Variants in MYO16 observed in about 807,000 individuals in gnomAD.
MYO16 encodes the protein myosin XVI.
A neutral mutation model predicts 205.3 loss-of-function variants in MYO16; 94 were observed. The ratio of observed to expected loss-of-function variants is 0.46; its 90% CI spans 0.39 to 0.54. The LOEUF is 0.54. Ranked by LOEUF, MYO16 falls within the 20% of genes least tolerant of loss-of-function variation. The pLI is 0.00. For synonymous variants in MYO16, 988 were observed against 954.0 expected (o/e 1.04, Z -0.66); for missense variants, 2,315 against 2,387.5 (o/e 0.97, Z 0.63).
At chr13:108,579,318 G>A in the MYO16 span, among the ~76,000 whole-genome samples, 1 of 152,156 alleles carries the variant, frequency 6.6e-6, no homozygotes, top group Non-Finnish European at 1.5e-5. Context: ...TAGAAATTTA[G>A]TATCTAGAAG....
intron 9 of MYO16, among the ~76,000 whole-genome samples, chr13:108,841,301 G>A (rs114717126): frequency 0.013 from 2,050 of 152,204 alleles, 37 homozygotes; most frequent in African/African-American, 0.045. Context: ...AATATGTCCC[G>A]CTAAATGAAA....
At chr13:108,908,984 A>G (rs1339494882) in intron 15 of MYO16, among the ~76,000 whole-genome samples, 2 of 146,848 alleles carry the variant, frequency 1.4e-5, no homozygotes, top group Non-Finnish European at 3.0e-5. Context: ...AAAAAAATAA[A>G]ATAAAATAAA....
chr13:108,778,961 G>A (rs1886214007), intron 4 of MYO16, among the ~76,000 whole-genome samples: 1 of 152,148 alleles, frequency 6.6e-6, no homozygotes, highest in African/African-American at 2.4e-5. Flanking sequence ...TGCACTCGTG[G>A]GGGGATGCCA....
intron 1 of MYO16, among the ~76,000 whole-genome samples, chr13:108,624,227 G>A (rs1427435516): frequency 2.6e-5 from 4 of 152,174 alleles, no homozygotes; most frequent in African/African-American, 9.6e-5. Context: ...AATGACAAAT[G>A]TATAGAGATC....
chr13:108,737,881 AGGAATTT>A (rs1347076452), intron 4 of MYO16, among the ~76,000 whole-genome samples: 1 of 152,228 alleles, frequency 6.6e-6, no homozygotes, highest in Non-Finnish European at 1.5e-5. Flanking sequence ...GTATGTGTCC[AGGAATTT>A]ATCCATTTCT....
Position 108,888,408 on chromosome 13 carries a change from A to G in MYO16, c.1590A>G (p.Lys530=), listed in dbSNP as rs45507695. ...ERGSGKSEAS[K]QIIRHLTCRA... ...GATCAGGAAAGTCTGAAGCCAGCAA[A>G]CAAATCATAAGACACCTCACCTGCA... is the stretch of plus-strand genomic sequence containing the variant. The change falls in exon 14 of 35, where the codon AAA becomes AAG. Residue 530 remains lysine (K), a synonymous_variant. Transcript: ENST00000457511. The G allele has an allele frequency of 1.4e-3, 2,199 of 1,607,452 alleles. 7 individuals carry two copies. The highest frequency in any genetic ancestry group is 2.7e-3 in the South Asian group (238 of 89,678).
chr13:108,527,666 A>C, the MYO16 span, among the ~76,000 whole-genome samples: 1 of 152,190 alleles, frequency 6.6e-6, no homozygotes, highest in Non-Finnish European at 1.5e-5. Flanking sequence ...TGCCTTTCTA[A>C]AATCTCTGTG....
chr13:108,588,209 T>G, the MYO16 span, among the ~76,000 whole-genome samples: 2 of 152,204 alleles, frequency 1.3e-5, no homozygotes, highest in Admixed American at 6.5e-5. Flanking sequence ...AAATGCAATC[T>G]ACTGGTATTC....
chr13:108,902,799 T>G (rs1435934617), intron 15 of MYO16, among the ~76,000 whole-genome samples: 2 of 152,238 alleles, frequency 1.3e-5, no homozygotes, highest in Non-Finnish European at 2.9e-5. Flanking sequence ...TATTGTAACT[T>G]GAGTACAGTA....
At chr13:108,629,960 TGG>T (rs1385224302) in intron 1 of MYO16, 88 bp downstream of exon 1, 1 of 1,127,716 alleles carries the variant, frequency 8.9e-7, no homozygotes, top group African/African-American at 1.5e-5. Flanking sequence ...GCAGTTCTCC[TGG>T]TATACCACAT....
chr13:108,630,425 A>G (rs1014377215), intron 1 of MYO16, among the ~76,000 whole-genome samples: 3 of 152,136 alleles, frequency 2.0e-5, no homozygotes, highest in African/African-American at 4.8e-5. Flanking sequence ...CTCTCCACTG[A>G]TGTTCATATG....
intron 23 of MYO16, among the ~76,000 whole-genome samples, chr13:109,027,840 A>G (rs985403336): frequency 6.6e-6 from 1 of 152,164 alleles, no homozygotes; most frequent in African/African-American, 2.4e-5. Context: ...TAACATTTTG[A>G]ACTCATCAGT....
rs192257080 is a variant in MYO16, at chr13:108,810,510, C to T, written c.867+3706C>T. On this transcript the variant is annotated intron_variant, in intron 7 of 34. Coordinates refer to ENST00000457511, the MANE Select transcript of MYO16 (RefSeq NM_001198950.3). Reference sequence around the variant, plus strand: ...ATAGAAGATTTTCAGTAAATTGCATCTCAATTATTTCACCAAGAAAAATAG... The same window carrying T: ...ATAGAAGATTTTCAGTAAATTGCATTTCAATTATTTCACCAAGAAAAATAG... Among the ~76,000 whole-genome samples the T allele has an allele frequency of 8.5e-5, 13 of 152,216 alleles. No homozygotes were observed. In the East Asian group the frequency reaches 2.3e-3, roughly 27 times the overall value.
At chr13:108,846,906 T>C (rs1877552540) in intron 10 of MYO16, among the ~76,000 whole-genome samples, 1 of 152,190 alleles carries the variant, frequency 6.6e-6, no homozygotes, top group South Asian at 2.1e-4. Context: ...TGACTTTTAG[T>C]CAATGTGTAT....
intron 16 of MYO16, among the ~76,000 whole-genome samples, chr13:108,933,418 T>TTG (rs1233847925): frequency 6.6e-6 from 1 of 152,124 alleles, no homozygotes; most frequent in East Asian, 1.9e-4. Flanking sequence ...TTTCTCTTCA[T>TTG]TGTAAGTCCA....
intron 34 of MYO16, among the ~76,000 whole-genome samples, chr13:109,183,251 G>A (rs1594167056): frequency 6.6e-6 from 1 of 152,190 alleles, no homozygotes; most frequent in Non-Finnish European, 1.5e-5. Context: ...GCATCAGCCA[G>A]CCAAGAATGA....
At chr13:108,624,693 A>C (rs1879665448), upstream of MYO16, among the ~76,000 whole-genome samples, 1 of 152,092 alleles carries the variant, frequency 6.6e-6, no homozygotes, top group African/African-American at 2.4e-5. Flanking sequence ...TAGAATTTAA[A>C]ACATTTCATT....
At chr13:109,087,685 T>C (rs770448424) in intron 27 of MYO16, among the ~76,000 whole-genome samples, 10 of 152,178 alleles carry the variant, frequency 6.6e-5, no homozygotes, top group Non-Finnish European at 1.5e-4. Context: ...TCTTTAGCCA[T>C]TTTCAAGAAC....
At chr13:108,836,445 T>G (rs989825727) in intron 9 of MYO16, among the ~76,000 whole-genome samples, 2 of 152,174 alleles carry the variant, frequency 1.3e-5, no homozygotes, top group African/African-American at 4.8e-5. Flanking sequence ...GGTTGGAGCC[T>G]CCACACAGAG....
Sources: allele counts gnomAD v4.1 joint callset (sites outside exome capture counted in the v4.1 genomes callset), GRCh38; gene constraint gnomAD v4.1.1; transcripts MANE v1.5; gene names NCBI Gene and HGNC (gene_info 2026-07-23, HGNC 2026-07-21).